The following NAV3 variants were observed in gnomAD, a reference collection of about 807,000 sequenced individuals.
NAV3 encodes neuron navigator 3.
A neutral mutation model predicts 244.7 loss-of-function variants in NAV3; 87 were observed. The observed-to-expected ratio is 0.36, with a 90% CI of 0.30 to 0.42. The LOEUF (loss-of-function observed/expected upper bound fraction) is 0.42, where lower values mean the gene tolerates loss of function less well. Among genes scored for constraint, NAV3 ranks in the 20% least tolerant of loss-of-function variants. NAV3 has a pLI of 1.00. For missense variants in NAV3, 2,663 were observed against 2,893.3 expected (o/e 0.92, Z 1.83); for synonymous variants, 1,126 against 1,042.2 (o/e 1.08, Z -1.55).
chr12:77,913,568 T>A (rs1268563060), intron 1 of NAV3, among the ~76,000 whole-genome samples: 1 of 152,034 alleles, frequency 6.6e-6, no homozygotes, highest in East Asian at 1.9e-4. Context: ...ATTAACATAG[T>A]TTGATTTTTT....
rs756419485 is a variant in NAV3 at position 77,773,165 on chromosome 12, G to C, written c.73-167154G>C. 2.6e-5 allele frequency among the ~76,000 whole-genome samples: 4 copies of C among 151,130 alleles called. No homozygotes were observed. The East Asian group carries it at 5.8e-4, about 22-fold the overall frequency. The stretch of plus-strand genomic sequence containing the variant: ...TCAGTAATAAACAATCAGACATTTT[G>C]TTTTTCACCAAAAGTGTTGATCATT... On this transcript the variant is annotated intron_variant, in intron 2 of 8. Transcript: ENST00000550042.
intron 19 of NAV3, among the ~76,000 whole-genome samples, chr12:78,138,515 A>G (rs1039350416): frequency 4.6e-5 from 7 of 152,138 alleles, no homozygotes; most frequent in African/African-American, 7.2e-5. Flanking sequence ...GCCTTTTGCA[A>G]TATTAACCAA....
At chr12:78,112,768 A>T (rs1955166224) in intron 12 of NAV3, among the ~76,000 whole-genome samples, 1 of 152,002 alleles carries the variant, frequency 6.6e-6, no homozygotes, top group South Asian at 2.1e-4. Flanking sequence ...GTGTTCTCAC[A>T]ATTCAAATAC....
intron 2 of NAV3, among the ~76,000 whole-genome samples, chr12:77,771,378 T>C (rs1182785490): frequency 6.6e-6 from 1 of 152,168 alleles, no homozygotes; most frequent in Non-Finnish European, 1.5e-5. Flanking sequence ...GATCTAGAAC[T>C]GGAAATACCA....
chr12:77,671,797 TA>T lies in NAV3; in HGVS notation c.72+99536del, dbSNP rs561337984. ...GACTTAAATCTAAGGCATGAAATCA[TA>T]AAAATTCTGGAAGATAACGTCAGAA... On this transcript the variant is annotated intron_variant, in intron 2 of 8. Coordinates refer to the NAV3 transcript ENST00000550042. 2.1e-3 allele frequency among the ~76,000 whole-genome samples: 322 copies of T among 152,204 alleles called. 2 individuals carry two copies. Among genetic ancestry groups the T allele is most frequent in the African/African-American group, 7.4e-3 (309 of 41,536 alleles).
At chr12:78,040,784 A>T (rs914482771) in intron 9 of NAV3, among the ~76,000 whole-genome samples, 4 of 152,134 alleles carry the variant, frequency 2.6e-5, no homozygotes, top group African/African-American at 7.2e-5. Flanking sequence ...TTCACCTACA[A>T]TCTAAGATGC....
Position 77,916,198 on chromosome 12 carries a change from A to G in NAV3, c.244-24121A>G, listed in dbSNP as rs141489543. Among the ~76,000 whole-genome samples, 403 of 152,206 alleles carry G rather than the reference A, an allele frequency of 2.6e-3. 4 individuals are homozygous for G. Among genetic ancestry groups the G allele is most frequent in the Middle Eastern group, 0.01 (3 of 294 alleles). On this transcript the variant is annotated intron_variant, in intron 1 of 39. Coordinates refer to ENST00000397909, the MANE Select transcript of NAV3 (RefSeq NM_001024383.2). ...AAAGCCCTGAAATTGGACTGGAGTT[A>G]TTTAGGATTTAGATTGCACCATAAT... is the stretch of plus-strand genomic sequence containing the variant.
At chr12:77,942,739 T>C (rs188098234) in intron 3 of NAV3, among the ~76,000 whole-genome samples, 310 of 152,316 alleles carry the variant, frequency 2.0e-3, no homozygotes, top group Middle Eastern at 6.8e-3. Context: ...AATGTGACAA[T>C]GAGATATGTA....
chr12:77,689,374 G>C (rs1270724636), intron 2 of NAV3, among the ~76,000 whole-genome samples: 2 of 151,900 alleles, frequency 1.3e-5, no homozygotes, highest in African/African-American at 4.8e-5. Context: ...AGTGGTTGAA[G>C]TGCAATGAAA....
intron 3 of NAV3, among the ~76,000 whole-genome samples, chr12:77,952,067 T>C (rs1424428037): frequency 8.4e-6 from 1 of 119,446 alleles, no homozygotes; most frequent in African/African-American, 2.9e-5. Context: ...TAAAGTATAA[T>C]TAAAAAAAAA....
At chr12:78,029,030 G>T (rs987569014) in intron 9 of NAV3, among the ~76,000 whole-genome samples, 3 of 152,058 alleles carry the variant, frequency 2.0e-5, no homozygotes, top group Non-Finnish European at 4.4e-5. Context: ...GTCAAGCCTT[G>T]GAATGCAGTG....
intron 2 of NAV3, among the ~76,000 whole-genome samples, chr12:77,675,925 C>G (rs956889423): frequency 6.6e-6 from 1 of 152,056 alleles, no homozygotes; most frequent in Admixed American, 6.6e-5. Context: ...TGTCAGTCTC[C>G]CCTCCGTGGT....
chr12:77,707,009 A>C (rs970331674), intron 2 of NAV3, among the ~76,000 whole-genome samples: 20 of 151,216 alleles, frequency 1.3e-4, no homozygotes, highest in African/African-American at 4.9e-4. Context: ...TACCTACGAA[A>C]TTCCTACTTC....
chr12:78,194,241 CATATT>C (rs1959105399), intron 34 of NAV3, among the ~76,000 whole-genome samples: 1 of 152,018 alleles, frequency 6.6e-6, no homozygotes, highest in Non-Finnish European at 1.5e-5. Context: ...GCCCCAAACA[CATATT>C]ATAAGTTTAT....
At chr12:78,049,267 GA>G (rs1034768987) in intron 9 of NAV3, among the ~76,000 whole-genome samples, 12 of 149,166 alleles carry the variant, frequency 8.0e-5, no homozygotes, top group East Asian at 2.0e-4. Flanking sequence ...ACTGGGGTAT[GA>G]AAAAAAAAAC....
intron 12 of NAV3, among the ~76,000 whole-genome samples, chr12:78,068,080 A>G (rs1885241662): frequency 6.6e-6 from 1 of 152,038 alleles, no homozygotes; most frequent in South Asian, 2.1e-4. Flanking sequence ...TAGCTATAAT[A>G]GACATAAGTA....
At chr12:77,999,071 T>C (rs1221703047) in intron 7 of NAV3, among the ~76,000 whole-genome samples, 3 of 152,218 alleles carry the variant, frequency 2.0e-5, no homozygotes, top group Non-Finnish European at 4.4e-5. Flanking sequence ...AAAGGCATAT[T>C]ATAAATGAAT....
At chr12:77,584,822 TATTTAAC>T (rs757000118) in intron 2 of NAV3, among the ~76,000 whole-genome samples, 55 of 152,200 alleles carry the variant, frequency 3.6e-4, no homozygotes, top group Non-Finnish European at 6.8e-4. Flanking sequence ...AGGCTAAAGT[TATTTAAC>T]ATTTAGTATT....
chr12:77,946,295 A>G (rs1274972933), intron 3 of NAV3, among the ~76,000 whole-genome samples: 1 of 151,462 alleles, frequency 6.6e-6, no homozygotes, highest in Non-Finnish European at 1.5e-5. Context: ...AACTCTCTAT[A>G]TAATATGTGT....
Sources: allele counts gnomAD v4.1 joint callset (sites outside exome capture counted in the v4.1 genomes callset), GRCh38; gene constraint gnomAD v4.1.1; transcripts MANE v1.5; gene names NCBI Gene and HGNC (gene_info 2026-07-23, HGNC 2026-07-21).